The following ZNF518A variants were observed in gnomAD, a reference collection of about 807,000 sequenced individuals.
ZNF518A encodes the protein zinc finger protein 518.
Under a neutral mutation model 102.7 loss-of-function variants are expected in ZNF518A, and 47 were observed. The observed-to-expected ratio is 0.46, with a 90% CI of 0.36 to 0.58. The LOEUF is 0.58. Among genes scored for constraint, ZNF518A ranks in the 20% least tolerant of loss-of-function variants. The pLI, the probability that ZNF518A is intolerant of heterozygous loss-of-function variation, is 0.00. For missense variants in ZNF518A, 1,793 were observed against 1,699.8 expected, an observed-to-expected ratio of 1.05 and a Z score of -0.96; for synonymous variants, 652 against 594.6, an observed-to-expected ratio of 1.10 and a Z score of -1.40.
chr10:96,185,091 A>G (rs1014898820), intron 1 of ZNF518A, among the ~76,000 whole-genome samples: 5 of 152,084 alleles, frequency 3.3e-5, no homozygotes, highest in African/African-American at 1.2e-4. Flanking sequence ...CCTTGATCGA[A>G]TCAGCTGCTG....
At chr10:96,129,861 G>C (rs1369596170), upstream of ZNF518A, 5 of 152,606 alleles carry the variant, frequency 3.3e-5, no homozygotes, top group Admixed American at 3.3e-4. Flanking sequence ...AGGTAGTAGT[G>C]GGTCACTGGA....
In ZNF518A at chr10:96,162,820, A is replaced by G. The variant is rs11591374; in HGVS notation, c.*2046A>G. 0.13 allele frequency: 21,023 copies of G among 166,852 alleles called. 1,377 individuals carry two copies. Among genetic ancestry groups the G allele is most frequent in the Middle Eastern group, 0.18 (52 of 296 alleles). 10.3% of individuals were successfully genotyped at this position (166,852 alleles called of 1,614,324 possible). A position where few individuals can be genotyped will look rare whatever the true frequency, so the allele number is the denominator to read the frequency against. On this transcript the variant is annotated 3_prime_UTR_variant, in exon 6 of 6. Coordinates refer to ENST00000316045, the MANE Select transcript of ZNF518A (RefSeq NM_001330736.2). ...ATTTTAAAGTGTATGTGTTTTTTCAATGCTAGTTAACTCTACAAGATAGAT... is the reference window on the plus strand; with the variant it reads ...ATTTTAAAGTGTATGTGTTTTTTCAGTGCTAGTTAACTCTACAAGATAGAT...
intron 1 of ZNF518A, chr10:96,191,626 G>A (rs2083331296): frequency 4.6e-6 from 1 of 218,496 alleles, no homozygotes; most frequent in Non-Finnish European, 9.1e-6. Context: ...TGATCATTGT[G>A]GAGGTTTAAA....
chr10:96,156,679 C>T lies in ZNF518A; in HGVS notation c.357C>T (p.Phe119=), dbSNP rs2133769477. Residue 119 remains phenylalanine, a synonymous_variant, in exon 6 of 6, where the codon TTC becomes TTT. Coordinates refer to ENST00000316045, the MANE Select transcript of ZNF518A (RefSeq NM_001330736.2). ...AAATGTCTGCAAAAATACTCAATTT[C>T]AGCTGTTTAAAATGCCGAGACAACA... ...GVKMSAKILN[F]SCLKCRDNTR... is the part of the protein sequence containing the mutation. 6.2e-7 allele frequency: 1 copy of T among 1,613,582 alleles called. No individual in the cohort carries two copies. The highest frequency in any genetic ancestry group is 1.1e-5 in the South Asian group (1 of 91,056).
At chr10:96,132,539 A>G (rs2081393150) in intron 1 of ZNF518A, 47 bp from the exon 2 acceptor site, 1 of 150,894 alleles carries the variant, frequency 6.6e-6, no homozygotes, top group African/African-American at 2.4e-5. Flanking sequence ...GTGTAATTGA[A>G]CAGTTTTTGT....
intron 1 of ZNF518A, chr10:96,189,366 A>G: frequency 1.8e-6 from 1 of 568,708 alleles, no homozygotes; most frequent in South Asian, 1.4e-5. Context: ...TTTTCTAAAG[A>G]GACTTCCTCC....
intron 1 of ZNF518A, among the ~76,000 whole-genome samples, chr10:96,169,000 C>T (rs148314128): frequency 2.0e-5 from 3 of 152,064 alleles, no homozygotes; most frequent in Admixed American, 2.0e-4. Flanking sequence ...TGAGACTCAT[C>T]CTATGGGTAT....
rs1403142215 is a variant in ZNF518A at position 96,156,817 on chromosome 10, T to C, written c.495T>C (p.Phe165=). ...TTTCAGCAAATGACTTTCAGGTATT[T>C]AAACAACACAGACGAACCCATAGAA... ...CNFSANDFQV[F]KQHRRTHRST... is the part of the protein sequence containing the mutation. The change falls in exon 6 of 6, where the codon TTT becomes TTC. Residue 165 remains phenylalanine, a synonymous_variant. Coordinates refer to ENST00000316045, the MANE Select transcript of ZNF518A (RefSeq NM_001330736.2). 1.2e-6 allele frequency: 2 copies of C among 1,613,812 alleles called. No homozygotes were observed. Among genetic ancestry groups the C allele is most frequent in the African/African-American group, 2.7e-5 (2 of 74,950 alleles).
rs1554895933 is a variant in ZNF518A at position 96,200,941 on chromosome 10, T to G, written n.36-2633T>G. ...AGAAGACATGCTCTTTCCTGCAGTTTCCTGGTAACAATTTAGTGACATCAA... is the reference window on the plus strand; with the variant it reads ...AGAAGACATGCTCTTTCCTGCAGTTGCCTGGTAACAATTTAGTGACATCAA... On this transcript the variant is annotated intron_variant and non_coding_transcript_variant, in intron 1 of 2. Coordinates refer to the ZNF518A transcript ENST00000442635. The surrounding 1 kb of genome is among the most constrained non-coding windows in gnomAD (Gnocchi z 4.3). The G allele has an allele frequency of 6.4e-7, 1 of 1,562,194 alleles. No individual in the cohort carries two copies. Among genetic ancestry groups the G allele is most frequent in the Admixed American group, 1.7e-5 (1 of 59,926 alleles).
chr10:96,199,442 C>T (rs2083567494), intron 1 of ZNF518A: 1 of 453,146 alleles, frequency 2.2e-6, no homozygotes, highest in South Asian at 1.6e-5. Flanking sequence ...GTTCACTCCT[C>T]AGTGGAGCTC....
At chr10:96,192,102 GA>G in intron 1 of ZNF518A, 1 of 1,613,344 alleles carries the variant, frequency 6.2e-7, no homozygotes, top group South Asian at 1.1e-5. Flanking sequence ...ACTAGAGGAA[GA>G]AAACATAGAT....
chr10:96,196,120 G>A (rs2083459025), intron 1 of ZNF518A, among the ~76,000 whole-genome samples: 1 of 152,212 alleles, frequency 6.6e-6, no homozygotes, highest in Admixed American at 6.5e-5. Flanking sequence ...AATCTTGAAA[G>A]TAAATATTTC....
intron 1 of ZNF518A, among the ~76,000 whole-genome samples, chr10:96,185,311 T>A (rs1349124733): frequency 1.3e-5 from 2 of 152,226 alleles, no homozygotes; most frequent in African/African-American, 4.8e-5. Flanking sequence ...TGTCAGTTCA[T>A]CAAAGTCATT....
chr10:96,167,070 CAG>C (rs781937017), downstream of ZNF518A, among the ~76,000 whole-genome samples: 2 of 152,084 alleles, frequency 1.3e-5, no homozygotes, highest in Non-Finnish European at 2.9e-5. Context: ...TGCAAAGAAA[CAG>C]AAAAGTATGT....
chr10:96,165,142 G>C (rs587604324), downstream of ZNF518A, among the ~76,000 whole-genome samples: 1 of 152,002 alleles, frequency 6.6e-6, no homozygotes, highest in African/African-American at 2.4e-5. Context: ...TTTATTTTTC[G>C]AGATGGAGTC....
chr10:96,165,142 G>A (rs587604324), downstream of ZNF518A, among the ~76,000 whole-genome samples: 4 of 152,120 alleles, frequency 2.6e-5, no homozygotes, highest in East Asian at 3.9e-4. Flanking sequence ...TTTATTTTTC[G>A]AGATGGAGTC....
intron 1 of ZNF518A, among the ~76,000 whole-genome samples, chr10:96,193,437 C>T (rs182586761): frequency 1.3e-5 from 2 of 152,270 alleles, no homozygotes; most frequent in Non-Finnish European, 2.9e-5. Context: ...CTCATTCCGT[C>T]CCTCTAGTCC....
chr10:96,146,903 G>C (rs2082198218), intron 3 of ZNF518A, among the ~76,000 whole-genome samples: 1 of 152,192 alleles, frequency 6.6e-6, no homozygotes. Context: ...AAGGCTCCCA[G>C]GAGAAGTTAA....
In ZNF518A at chr10:96,156,967, C is replaced by T; in HGVS notation, c.645C>T (p.Ser215=). The part of the protein sequence containing the change: ...GNFQCEKCKF[S]TQDVGTFVQH... The stretch of plus-strand genomic sequence containing the variant: ...TTCAATGTGAAAAGTGTAAGTTCTC[C>T]ACCCAGGATGTTGGCACATTTGTTC... The change falls in exon 6 of 6, where the codon TCC becomes TCT. Residue 215 remains serine (S), a synonymous_variant. Coordinates refer to ENST00000316045, the MANE Select transcript of ZNF518A (RefSeq NM_001330736.2). 1 of 1,613,824 alleles carries T rather than the reference C, an allele frequency of 6.2e-7. No homozygotes were observed. Among genetic ancestry groups the T allele is most frequent in the Non-Finnish European group, 8.5e-7 (1 of 1,179,796 alleles).
Sources: gnomAD v4.1 joint callset for allele counts (sites outside exome capture counted in the v4.1 genomes callset) on GRCh38, gnomAD v4.1.1 for gene constraint, Gnocchi (gnomAD v3.1) non-coding constraint, MANE v1.5 for transcripts, NCBI Gene and HGNC (gene_info 2026-07-23, HGNC 2026-07-21) for gene names.